NALF1: variants seen among roughly 807,000 people sequenced by gnomAD.
NALF1 encodes NALCN channel auxiliary factor 1.
Under a neutral mutation model 48.4 loss-of-function variants are expected in NALF1, and 3 were observed. The ratio of observed to expected loss-of-function variants is 0.06; its 90% CI spans 0.03 to 0.16. The LOEUF (loss-of-function observed/expected upper bound fraction) is 0.16, where lower values mean the gene tolerates loss of function less well. NALF1 is among the 10% of genes least tolerant of loss of function. The pLI is 1.00. For synonymous variants in NALF1, 262 were observed against 245.7 expected, an observed-to-expected ratio of 1.07 and a Z score of -0.62; for missense variants, 526 against 571.5, an observed-to-expected ratio of 0.92 and a Z score of 0.81.
At chr13:107,769,918 GT>G (rs1162141281) in intron 1 of NALF1, among the ~76,000 whole-genome samples, 1 of 151,902 alleles carries the variant, frequency 6.6e-6, no homozygotes, top group Non-Finnish European at 1.5e-5. Context: ...GTTTTGTTTT[GT>G]TTTGTTTTGT....
rs78517406 is a variant in NALF1, at chr13:107,607,982, C to T, written c.915+257700G>A. 0.021 allele frequency among the ~76,000 whole-genome samples: 3,152 copies of T among 152,300 alleles called. 204 individuals carry two copies. The East Asian group carries it at 0.26, about 13-fold the overall frequency. Reference sequence around the variant, plus strand: ...CTACACTGAAATGCTGGACTACAAGCACCTCTATGTGAAACTCTGCCATTT... The same window carrying T: ...CTACACTGAAATGCTGGACTACAAGTACCTCTATGTGAAACTCTGCCATTT... On this transcript the variant is annotated intron_variant, in intron 1 of 2. Coordinates refer to ENST00000375915, the MANE Select transcript of NALF1 (RefSeq NM_001080396.3).
chr13:107,778,968 C>G (rs142230241), intron 1 of NALF1, among the ~76,000 whole-genome samples: 5 of 152,338 alleles, frequency 3.3e-5, no homozygotes, highest in Admixed American at 1.3e-4. Context: ...TACTATTTAA[C>G]TATTTAACTC....
At chr13:107,179,449 G>T (rs1879015413) in intron 2 of NALF1, among the ~76,000 whole-genome samples, 1 of 151,968 alleles carries the variant, frequency 6.6e-6, no homozygotes, top group Non-Finnish European at 1.5e-5. Context: ...TCTAGTATTT[G>T]TTAATACAAC....
chr13:107,681,394 G>A (rs1232821924), intron 1 of NALF1, among the ~76,000 whole-genome samples: 1 of 152,112 alleles, frequency 6.6e-6, no homozygotes, highest in Non-Finnish European at 1.5e-5. Flanking sequence ...TGGAGCTGGG[G>A]CTGGAGGACG....
At chr13:107,527,683 GT>G (rs1433480362) in intron 1 of NALF1, among the ~76,000 whole-genome samples, 1 of 152,062 alleles carries the variant, frequency 6.6e-6, no homozygotes, top group African/African-American at 2.4e-5. Flanking sequence ...CATGGGGGTG[GT>G]TTCTCCATAC....
chr13:107,663,317 A>C (rs908506790), intron 1 of NALF1, among the ~76,000 whole-genome samples: 5 of 152,214 alleles, frequency 3.3e-5, no homozygotes, highest in Admixed American at 3.3e-4. Context: ...CAAGGGTAAT[A>C]GACCTGAATA....
intron 1 of NALF1, among the ~76,000 whole-genome samples, chr13:107,620,246 G>A (rs994444177): frequency 1.3e-5 from 2 of 152,076 alleles, no homozygotes; most frequent in East Asian, 1.9e-4. Flanking sequence ...GATTTCAAAA[G>A]AATGGTAATG....
chr13:107,797,664 GA>G (rs779163419), intron 1 of NALF1, among the ~76,000 whole-genome samples: 5 of 152,116 alleles, frequency 3.3e-5, no homozygotes, highest in Non-Finnish European at 7.3e-5. Context: ...CAGTCTGGTT[GA>G]AGAATGAATG....
chr13:107,844,666 T>C (rs1260519345), intron 1 of NALF1, among the ~76,000 whole-genome samples: 26 of 152,200 alleles, frequency 1.7e-4, no homozygotes, highest in Non-Finnish European at 1.5e-5. Context: ...CAACAACCGA[T>C]AGTTTGACAA....
At chr13:107,374,431 T>C (rs1264380874) in intron 1 of NALF1, among the ~76,000 whole-genome samples, 2 of 152,234 alleles carry the variant, frequency 1.3e-5, no homozygotes, top group Non-Finnish European at 2.9e-5. Context: ...TATCAAATTC[T>C]AAAATATAAT....
chr13:107,171,251 A>G (rs1853025416), intron 2 of NALF1, among the ~76,000 whole-genome samples: 1 of 152,206 alleles, frequency 6.6e-6, no homozygotes, highest in African/African-American at 2.4e-5. Context: ...TCCTCTCAGA[A>G]GCCTCATCAA....
chr13:107,192,873 C>T (rs1879311768), intron 2 of NALF1, among the ~76,000 whole-genome samples: 2 of 152,142 alleles, frequency 1.3e-5, no homozygotes, highest in African/African-American at 4.8e-5. Context: ...TGCATACCCT[C>T]TGACCTTTCC....
intron 1 of NALF1, among the ~76,000 whole-genome samples, chr13:107,367,998 C>T (rs1209862573): frequency 6.6e-6 from 1 of 152,162 alleles, no homozygotes; most frequent in East Asian, 1.9e-4. Flanking sequence ...GGTGGGAATA[C>T]TTTCATGTGA....
chr13:107,639,877 T>C (rs1880103485), intron 1 of NALF1, among the ~76,000 whole-genome samples: 1 of 152,198 alleles, frequency 6.6e-6, no homozygotes, highest in Non-Finnish European at 1.5e-5. Flanking sequence ...CATGCTGGTA[T>C]TCCTAATACC....
At chr13:107,831,212 T>G (rs1222719438) in intron 1 of NALF1, among the ~76,000 whole-genome samples, 4 of 152,156 alleles carry the variant, frequency 2.6e-5, no homozygotes, top group Non-Finnish European at 5.9e-5. Flanking sequence ...AACAGACAGT[T>G]TAAAAATTCA....
At chr13:107,262,787 T>TCTCTCTCTCC in intron 1 of NALF1, among the ~76,000 whole-genome samples, 1 of 152,004 alleles carries the variant, frequency 6.6e-6, no homozygotes, top group African/African-American at 2.4e-5. Flanking sequence ...TCTCTCTCTC[T>TCTCTCTCTCC]CTCTCTCTCT....
intron 1 of NALF1, among the ~76,000 whole-genome samples, chr13:107,528,861 G>C (rs1451706669): frequency 6.6e-6 from 1 of 152,112 alleles, no homozygotes; most frequent in East Asian, 1.9e-4. Context: ...ACCAAATACT[G>C]CTACCAAATA....
chr13:107,407,758 G>A (rs1049022350), intron 1 of NALF1, among the ~76,000 whole-genome samples: 4 of 152,118 alleles, frequency 2.6e-5, no homozygotes, highest in South Asian at 2.1e-4. Context: ...GTATATACAC[G>A]AAAGAAAGAA....
At chr13:107,752,673 T>C (rs80341432) in intron 1 of NALF1, among the ~76,000 whole-genome samples, 2,346 of 152,282 alleles carry the variant, frequency 0.015, 63 homozygotes, top group African/African-American at 0.054. Flanking sequence ...TGAAGGTCAA[T>C]CTAGTTTATT....
Sources: gnomAD v4.1 joint callset for allele counts (sites outside exome capture counted in the v4.1 genomes callset) on GRCh38, gnomAD v4.1.1 for gene constraint, MANE v1.5 for transcripts, NCBI Gene and HGNC (gene_info 2026-07-23, HGNC 2026-07-21) for gene names.